The following TMPRSS15 variants were observed in gnomAD, a reference collection of about 807,000 sequenced individuals.
TMPRSS15 encodes the protein enteropeptidase.
TMPRSS15 carries 128 observed loss-of-function variants against 125.3 expected under a neutral mutation model. The observed-to-expected ratio is 1.02, with a 90% CI of 0.89 to 1.18. The LOEUF is 1.18. Among genes scored for constraint, TMPRSS15 ranks in the 50% most tolerant of loss-of-function variants. The pLI, the probability that TMPRSS15 is intolerant of heterozygous loss-of-function variation, is 0.00. For synonymous variants in TMPRSS15, 446 were observed against 423.2 expected (o/e 1.05, Z -0.66); for missense variants, 1,283 against 1,212.7 (o/e 1.06, Z -0.86).
intron 1 of TMPRSS15, among the ~76,000 whole-genome samples, chr21:18,399,316 T>C (rs2076072743): frequency 6.6e-6 from 1 of 152,136 alleles, no homozygotes; most frequent in Non-Finnish European, 1.5e-5. Context: ...CTCTATATAA[T>C]ACATTGACAC....
intron 3 of TMPRSS15, among the ~76,000 whole-genome samples, chr21:18,385,546 G>A (rs1045557077): frequency 6.6e-6 from 1 of 152,098 alleles, no homozygotes; most frequent in African/African-American, 2.4e-5. Flanking sequence ...ACCACCCTTC[G>A]TTGTTGAACA....
At chr21:18,300,733 T>C (rs2074962668) in intron 18 of TMPRSS15, among the ~76,000 whole-genome samples, 1 of 152,342 alleles carries the variant, frequency 6.6e-6, no homozygotes, top group South Asian at 2.1e-4. Context: ...TAAATATTTT[T>C]TAAGCAAGCC....
In TMPRSS15 at chr21:18,281,048, T is replaced by C; in HGVS notation, c.2660A>G (p.Asn887Ser). 1 of 1,613,808 alleles carries C rather than the reference T, an allele frequency of 6.2e-7. No individual in the cohort carries two copies. The highest frequency in any genetic ancestry group is 8.5e-7 in the Non-Finnish European group (1 of 1,179,970). ...IAMMHLEFKV[N>S]YTDYIQPICL... ...TGATTTTTTTTTTTTACCTGTGTAATTCACTTTAAATTCCAGATGCATCAT... is the reference window on the plus strand; with the variant it reads ...TGATTTTTTTTTTTTACCTGTGTAACTCACTTTAAATTCCAGATGCATCAT... Residue 887 changes from asparagine (N) to serine (S), a missense_variant, in exon 22 of 25, where the codon AAT (asparagine) becomes AGT (serine). Asn to Ser is a conservative substitution (Grantham distance 46, BLOSUM62 1). Transcript: ENST00000284885.
At chr21:18,293,859 G>T (rs184528595) in intron 21 of TMPRSS15, among the ~76,000 whole-genome samples, 2 of 152,126 alleles carry the variant, frequency 1.3e-5, no homozygotes, top group African/African-American at 4.8e-5. Context: ...GTAATTTGAG[G>T]GCTACCTAAG....
chr21:18,288,405 C>T lies in TMPRSS15; in HGVS notation c.2486+5865G>A, dbSNP rs376673863. On this transcript the variant is annotated intron_variant, in intron 21 of 24. Transcript: ENST00000284885. The stretch of plus-strand genomic sequence containing the variant: ...GTACATTATTCAGGTGATGGATACC[C>T]TAAAAGCCCTGACTTCCTCACTATG... Among the ~76,000 whole-genome samples, 4 of 152,070 alleles carry T rather than the reference C, an allele frequency of 2.6e-5. No homozygotes were observed. In the East Asian group the frequency reaches 7.7e-4, roughly 29 times the overall value.
intron 1 of TMPRSS15, among the ~76,000 whole-genome samples, chr21:18,411,486 A>C (rs757716174): frequency 2.0e-5 from 3 of 152,168 alleles, no homozygotes; most frequent in Non-Finnish European, 2.9e-5. Flanking sequence ...TTACATTAAA[A>C]AGTCTTTTTT....
At chr21:18,327,412 T>C (rs1318245816) in intron 15 of TMPRSS15, among the ~76,000 whole-genome samples, 1 of 152,352 alleles carries the variant, frequency 6.6e-6, no homozygotes. Flanking sequence ...GATTCCTCAG[T>C]TCTTGCCACT....
intron 21 of TMPRSS15, among the ~76,000 whole-genome samples, chr21:18,282,053 G>C (rs1481815420): frequency 7.5e-6 from 1 of 133,910 alleles, no homozygotes; most frequent in East Asian, 2.2e-4. Context: ...AGCCGAGATT[G>C]CGCCACTGCA....
intron 6 of TMPRSS15, among the ~76,000 whole-genome samples, chr21:18,366,081 G>A (rs1655108444): frequency 6.6e-6 from 1 of 152,084 alleles, no homozygotes; most frequent in African/African-American, 2.4e-5. Flanking sequence ...TGCACTTTAA[G>A]TGTATTCTTC....
intron 7 of TMPRSS15, among the ~76,000 whole-genome samples, chr21:18,360,396 G>A (rs755222611): frequency 1.1e-4 from 16 of 151,952 alleles, no homozygotes; most frequent in Non-Finnish European, 1.6e-4. Context: ...AATGAACATG[G>A]GAGTGCAGAT....
chr21:18,339,877 G>T (rs539995465), intron 13 of TMPRSS15, among the ~76,000 whole-genome samples: 9 of 152,252 alleles, frequency 5.9e-5, no homozygotes, highest in African/African-American at 1.9e-4. Context: ...GTTTTGTTCT[G>T]AAATGTCACG....
chr21:18,451,941 A>G (rs1978346204), intron 1 of TMPRSS15, among the ~76,000 whole-genome samples: 1 of 152,184 alleles, frequency 6.6e-6, no homozygotes, highest in Admixed American at 6.5e-5. Context: ...ATGCAAATGC[A>G]AACTTATGCA....
chr21:18,368,880 C>T (rs1368305880), intron 6 of TMPRSS15, among the ~76,000 whole-genome samples: 1 of 152,154 alleles, frequency 6.6e-6, no homozygotes, highest in Non-Finnish European at 1.5e-5. Flanking sequence ...ATTATCTTCT[C>T]AAGACAGAGG....
intron 1 of TMPRSS15, among the ~76,000 whole-genome samples, chr21:18,457,944 A>G (rs561178510): frequency 6.6e-6 from 1 of 152,272 alleles, no homozygotes; most frequent in South Asian, 2.1e-4. Flanking sequence ...TTCTAGAAAA[A>G]TGAACATCAT....
chr21:18,413,717 C>T (rs961617807), intron 1 of TMPRSS15, among the ~76,000 whole-genome samples: 4 of 151,514 alleles, frequency 2.6e-5, no homozygotes, highest in Admixed American at 2.0e-4. Context: ...CGTGAGCCAC[C>T]GCGTCCTGAA....
At chr21:18,299,338 G>A (rs2146909009) in intron 18 of TMPRSS15, among the ~76,000 whole-genome samples, 1 of 152,298 alleles carries the variant, frequency 6.6e-6, no homozygotes, top group East Asian at 1.9e-4. Context: ...TTGTATTTAA[G>A]GACTCACACA....
intron 16 of TMPRSS15, among the ~76,000 whole-genome samples, chr21:18,324,494 T>G (rs1229638137): frequency 6.6e-6 from 1 of 152,202 alleles, no homozygotes; most frequent in Non-Finnish European, 1.5e-5. Flanking sequence ...AAAATTGCTA[T>G]GGCCAAAGAC....
intron 1 of TMPRSS15, among the ~76,000 whole-genome samples, chr21:18,451,244 C>T (rs1978334873): frequency 2.0e-5 from 3 of 152,168 alleles, no homozygotes; most frequent in African/African-American, 7.2e-5. Context: ...CATAATGTGA[C>T]AAATGTTGCT....
Position 18,312,032 on chromosome 21 carries a change from T to C in TMPRSS15, c.2165+913A>G, listed in dbSNP as rs143934549. 2.5e-3 allele frequency among the ~76,000 whole-genome samples: 375 copies of C among 152,238 alleles called. 1 individual carries two copies. The highest frequency in any genetic ancestry group is 8.5e-3 in the African/African-American group (353 of 41,564). Reference sequence around the variant, plus strand: ...AAAATAGACATGGTTCTTCCCTTTATAGACCTCATAGTTTAATATGACAAA... The same window carrying C: ...AAAATAGACATGGTTCTTCCCTTTACAGACCTCATAGTTTAATATGACAAA... On this transcript the variant is annotated intron_variant, in intron 18 of 24. Transcript: ENST00000284885.
Sources: gnomAD v4.1 joint callset for allele counts (sites outside exome capture counted in the v4.1 genomes callset) on GRCh38, gnomAD v4.1.1 for gene constraint, MANE v1.5 for transcripts, NCBI Gene and HGNC (gene_info 2026-07-23, HGNC 2026-07-21) for gene names.